Variants in ZNF892 observed in about 807,000 individuals in gnomAD.
ZNF892 encodes zinc finger protein 570-like.
the ZNF892 span, chr2:95,215,646 A>G: frequency 2.5e-6 from 1 of 398,478 alleles, no homozygotes; most frequent in African/African-American, 2.1e-5. Flanking sequence ...GTTATTGAGC[A>G]TTTACCATAC....
At chr2:95,220,141 G>T in the ZNF892 span, among the ~76,000 whole-genome samples, 8 of 152,270 alleles carry the variant, frequency 5.3e-5, no homozygotes, top group South Asian at 1.7e-3. Context: ...GGTCTTCTCT[G>T]ATACCACCCC....
the ZNF892 span, among the ~76,000 whole-genome samples, chr2:95,228,698 C>T: frequency 6.6e-6 from 1 of 152,118 alleles, no homozygotes; most frequent in Non-Finnish European, 1.5e-5. Context: ...TTCTGTTATT[C>T]CTCCCACATT....
chr2:95,207,444 G>A, the ZNF892 span: 2 of 183,130 alleles, frequency 1.1e-5, no homozygotes, highest in Non-Finnish European at 2.2e-5. Flanking sequence ...GGGAGCAGGT[G>A]GCCGCAGGGT....
At chr2:95,236,000 T>A in the ZNF892 span, among the ~76,000 whole-genome samples, 1 of 152,142 alleles carries the variant, frequency 6.6e-6, no homozygotes, top group South Asian at 2.1e-4. Flanking sequence ...CTGAACTGCT[T>A]GGGCCCACTA....
chr2:95,207,994 A>T, the ZNF892 span, among the ~76,000 whole-genome samples: 1 of 152,262 alleles, frequency 6.6e-6, no homozygotes, highest in African/African-American at 2.4e-5. Flanking sequence ...CGCCACTTCC[A>T]TTGCCCTCCT....
the ZNF892 span, among the ~76,000 whole-genome samples, chr2:95,233,700 A>AAG: frequency 6.7e-6 from 1 of 148,758 alleles, no homozygotes; most frequent in African/African-American, 2.5e-5. Flanking sequence ...AAAAAAAAAA[A>AAG]TCTCGCTATG....
chr2:95,256,699 T>G, the ZNF892 span, among the ~76,000 whole-genome samples: 1 of 152,384 alleles, frequency 6.6e-6, no homozygotes, highest in South Asian at 2.1e-4. Context: ...CCTGTCACTT[T>G]CAGATACACC....
chr2:95,238,769 G>A, the ZNF892 span, among the ~76,000 whole-genome samples: 1 of 152,174 alleles, frequency 6.6e-6, no homozygotes, highest in African/African-American at 2.4e-5. Context: ...TCTCATGGAT[G>A]ACTTTGCAGG....
At chr2:95,245,518 C>G in the ZNF892 span, among the ~76,000 whole-genome samples, 4 of 147,606 alleles carry the variant, frequency 2.7e-5, no homozygotes, top group Admixed American at 1.3e-4. Flanking sequence ...ATCCGCCCAC[C>G]TCGGCCTCCC....
the ZNF892 span, chr2:95,214,822 A>G: frequency 4.2e-6 from 2 of 478,808 alleles, no homozygotes; most frequent in Non-Finnish European, 7.6e-6. Flanking sequence ...CAGAGCATAC[A>G]CCTTACTCTG....
the ZNF892 span, among the ~76,000 whole-genome samples, chr2:95,211,976 A>T: frequency 1.3e-5 from 2 of 152,242 alleles, no homozygotes; most frequent in Admixed American, 1.3e-4. Context: ...AGTGCTAATG[A>T]AAACAACTCT....
the ZNF892 span, among the ~76,000 whole-genome samples, chr2:95,208,308 G>A: frequency 6.6e-6 from 1 of 152,118 alleles, no homozygotes; most frequent in Non-Finnish European, 1.5e-5. Context: ...TTTAGTCTTC[G>A]TTTATCCTGT....
At chr2:95,219,284 G>T in the ZNF892 span, among the ~76,000 whole-genome samples, 1 of 151,972 alleles carries the variant, frequency 6.6e-6, no homozygotes, top group African/African-American at 2.4e-5. Flanking sequence ...GGGATTACAG[G>T]CATGAGCCAC....
At chr2:95,242,260 A>T in the ZNF892 span, among the ~76,000 whole-genome samples, 4 of 152,258 alleles carry the variant, frequency 2.6e-5, no homozygotes, top group Non-Finnish European at 5.9e-5. Flanking sequence ...CAGGCCACTT[A>T]CAAAGGGAAG....
chr2:95,234,479 G>A, the ZNF892 span, among the ~76,000 whole-genome samples: 4 of 152,176 alleles, frequency 2.6e-5, no homozygotes, highest in Admixed American at 1.3e-4. Context: ...GACTCTGGAC[G>A]GACGGGCCTG....
chr2:95,230,926 G>A, the ZNF892 span, among the ~76,000 whole-genome samples: 28 of 152,170 alleles, frequency 1.8e-4, no homozygotes, highest in Non-Finnish European at 3.8e-4. Context: ...TAGCACTTAT[G>A]TTGCTGCTTA....
chr2:95,237,810 A>G, the ZNF892 span, among the ~76,000 whole-genome samples: 1 of 152,270 alleles, frequency 6.6e-6, no homozygotes, highest in Non-Finnish European at 1.5e-5. Flanking sequence ...CTTATTGCTG[A>G]CATGGAGAAA....
At chr2:95,235,202 A>G in the ZNF892 span, among the ~76,000 whole-genome samples, 6 of 152,256 alleles carry the variant, frequency 3.9e-5, no homozygotes, top group African/African-American at 1.4e-4. Flanking sequence ...TAATAATTGG[A>G]CGCCTAGTCT....
the ZNF892 span, among the ~76,000 whole-genome samples, chr2:95,212,576 A>AT: frequency 6.6e-6 from 1 of 152,182 alleles, no homozygotes; most frequent in Non-Finnish European, 1.5e-5. Flanking sequence ...CTAAAGCAGG[A>AT]TTTTTTACAT....
Sources: gnomAD v4.1 joint callset for allele counts (sites outside exome capture counted in the v4.1 genomes callset) on GRCh38, gnomAD v4.1.1 for gene constraint, MANE v1.5 for transcripts, NCBI Gene and HGNC (gene_info 2026-07-23, HGNC 2026-07-21) for gene names.